Variants in DYNC2H1 observed in about 807,000 individuals in gnomAD.
DYNC2H1 encodes the protein dynein cytoplasmic 2 heavy chain 1, also known as cytoplasmic dynein 2 heavy chain 1.
A neutral mutation model predicts 570.0 loss-of-function variants in DYNC2H1; 410 were observed. The ratio of observed to expected loss-of-function variants is 0.72; its 90% CI spans 0.66 to 0.78. The LOEUF (loss-of-function observed/expected upper bound fraction) is 0.78, where lower values mean the gene tolerates loss of function less well. Among genes scored for constraint, DYNC2H1 ranks in the 30% least tolerant of loss-of-function variants. The probability of loss-of-function intolerance (pLI) is 0.00; values close to 1 mark genes in which losing one functional copy is unlikely to be tolerated. For synonymous variants in DYNC2H1, 1,688 were observed against 1,677.6 expected (o/e 1.01, Z -0.15); for missense variants, 4,865 against 5,046.4 (o/e 0.96, Z 1.09).
chr11:103,299,638 G>A lies in DYNC2H1; in HGVS notation c.11096-3455G>A, dbSNP rs559122529. ...CATATCACTCCTGTTTCTCTTTTCT[G>A]CTACACTTCTTTGACTCTAACAAGA... On this transcript the variant is annotated intron_variant, in intron 75 of 88. Transcript: ENST00000375735. The surrounding 1 kb of genome is among the most constrained non-coding windows in gnomAD (Gnocchi z 4.5). Among the ~76,000 whole-genome samples the A allele has an allele frequency of 6.6e-6, 1 of 152,026 alleles. No individual in the cohort carries two copies. The highest frequency in any genetic ancestry group is 2.4e-5 in the African/African-American group (1 of 41,408).
intron 68 of DYNC2H1, among the ~76,000 whole-genome samples, chr11:103,257,139 A>G (rs891289363): frequency 2.6e-5 from 4 of 152,108 alleles, no homozygotes; most frequent in Non-Finnish European, 5.9e-5. Context: ...AGCTCTCATG[A>G]GTGGGATTAG....
chr11:103,355,440 A>G (rs1235675314), intron 82 of DYNC2H1, among the ~76,000 whole-genome samples: 1 of 152,188 alleles, frequency 6.6e-6, no homozygotes, highest in Non-Finnish European at 1.5e-5. Flanking sequence ...AACTAAGGAA[A>G]CAGTTTATGC....
intron 70 of DYNC2H1, among the ~76,000 whole-genome samples, chr11:103,272,858 A>G (rs1374090821): frequency 4.7e-5 from 6 of 126,374 alleles, no homozygotes; most frequent in African/African-American, 1.5e-4. Flanking sequence ...ATTTTTCTTC[A>G]TTAGGTAGTT....
intron 73 of DYNC2H1, among the ~76,000 whole-genome samples, chr11:103,284,279 A>C (rs1293985006): frequency 6.6e-6 from 1 of 152,154 alleles, no homozygotes; most frequent in Non-Finnish European, 1.5e-5. Flanking sequence ...GCTATATTCA[A>C]AATTGAGCCC....
chr11:103,314,317 T>G (rs917055443), intron 79 of DYNC2H1, among the ~76,000 whole-genome samples: 2 of 152,144 alleles, frequency 1.3e-5, no homozygotes, highest in East Asian at 3.9e-4. Flanking sequence ...CACAGCTCTG[T>G]ACCTTGCTTT....
chr11:103,353,373 T>C (rs1940147867), intron 82 of DYNC2H1, among the ~76,000 whole-genome samples: 1 of 152,172 alleles, frequency 6.6e-6, no homozygotes, highest in South Asian at 2.1e-4. Flanking sequence ...TGCTTGTTGA[T>C]TGTGTTCAAA....
chr11:103,248,010 A>AT (rs1233849554), intron 65 of DYNC2H1, among the ~76,000 whole-genome samples: 1 of 152,038 alleles, frequency 6.6e-6, no homozygotes, highest in East Asian at 1.9e-4. Flanking sequence ...TTTGTTGACA[A>AT]GATATAGGGG....
chr11:103,154,650 T>C, intron 23 of DYNC2H1, 44 bp downstream of exon 23: 1 of 1,570,768 alleles, frequency 6.4e-7, no homozygotes, highest in Non-Finnish European at 8.6e-7. Context: ...TTGGTTGTTT[T>C]ATTTTTGGAT....
intron 87 of DYNC2H1, among the ~76,000 whole-genome samples, chr11:103,467,807 G>A (rs1296779441): frequency 1.3e-5 from 2 of 152,132 alleles, no homozygotes; most frequent in African/African-American, 4.8e-5. Flanking sequence ...AAAGTGCTGG[G>A]ATTACAGGTG....
Position 103,236,410 on chromosome 11 carries a change from C to T in DYNC2H1, c.9710-20C>T, listed in dbSNP as rs1766526391. The T allele has an allele frequency of 7.6e-7, 1 of 1,320,720 alleles. No homozygotes were observed. Among genetic ancestry groups the T allele is most frequent in the South Asian group, 1.2e-5 (1 of 84,834 alleles). 81.8% of individuals were successfully genotyped at this position (1,320,720 alleles called of 1,614,324 possible). On this transcript the variant is annotated intron_variant, in intron 62 of 88. Transcript: ENST00000375735. ...GTACAAGATCGTTGTGAAGTATTAT[C>T]AATATCTTCAACTTTTCAGAATTTG...
At chr11:103,371,239 A>C (rs1048004496) in intron 83 of DYNC2H1, among the ~76,000 whole-genome samples, 1 of 152,110 alleles carries the variant, frequency 6.6e-6, no homozygotes. Flanking sequence ...AAGACAGACT[A>C]TTTGAAAATA....
At position 103,109,504 on chromosome 11, in the gene DYNC2H1, C is replaced by G; in HGVS notation, c.-71C>G. On this transcript the variant is annotated 5_prime_UTR_variant, in exon 1 of 89. Coordinates refer to ENST00000375735, the MANE Select transcript of DYNC2H1 (RefSeq NM_001377.3). ...GGGTTTGAGCAAAGCTCCTCTCTTCCCTTCACTTCCCTCCGGACTGGTTTC... is the reference window on the plus strand; with the variant it reads ...GGGTTTGAGCAAAGCTCCTCTCTTCGCTTCACTTCCCTCCGGACTGGTTTC... The G allele has an allele frequency of 2.1e-6, 3 of 1,435,588 alleles. No individual in the cohort carries two copies. The highest frequency in any genetic ancestry group is 1.9e-6 in the Non-Finnish European group (2 of 1,047,884). 88.9% of individuals were successfully genotyped at this position (1,435,588 alleles called of 1,614,324 possible).
chr11:103,246,764 G>A (rs559590354), intron 65 of DYNC2H1, among the ~76,000 whole-genome samples: 1 of 152,098 alleles, frequency 6.6e-6, no homozygotes, highest in African/African-American at 2.4e-5. Context: ...TGGGGACAGA[G>A]GATGGTAGTC....
In DYNC2H1 at chr11:103,133,822, T is replaced by C. The variant is rs1279229638; in HGVS notation, c.2106+115T>C. 8.9e-7 allele frequency: 1 copy of C among 1,127,504 alleles called. No individual in the cohort carries two copies. Among genetic ancestry groups the C allele is most frequent in the Non-Finnish European group, 1.2e-6 (1 of 820,864 alleles). 69.8% of individuals were successfully genotyped at this position (1,127,504 alleles called of 1,614,324 possible). A position where few individuals can be genotyped will look rare whatever the true frequency, so the allele number is the denominator to read the frequency against. ...AATTTGAGACTTAAAGTTACAAAAA[T>C]AGTACAGAGAAATCACAATTCCCAT... On this transcript the variant is annotated intron_variant, in intron 14 of 88. Transcript: ENST00000375735. This position sits in a 1 kb window ranked among gnomAD's most constrained non-coding sequence, Gnocchi z 4.8.
At chr11:103,459,200 T>C (rs1371435226) in intron 87 of DYNC2H1, among the ~76,000 whole-genome samples, 2 of 145,464 alleles carry the variant, frequency 1.4e-5, no homozygotes, top group African/African-American at 2.5e-5. Flanking sequence ...TCCCAGCTAC[T>C]TGGGAGGCTG....
intron 70 of DYNC2H1, among the ~76,000 whole-genome samples, chr11:103,263,503 CAAAT>C (rs578029233): frequency 2.9e-4 from 44 of 152,064 alleles, no homozygotes; most frequent in Non-Finnish European, 5.3e-4. Flanking sequence ...GAAATCATAA[CAAAT>C]AGTCTCTCAC....
At chr11:103,477,174 G>A (rs1046474538) in intron 88 of DYNC2H1, among the ~76,000 whole-genome samples, 1 of 152,162 alleles carries the variant, frequency 6.6e-6, no homozygotes, top group African/African-American at 2.4e-5. Flanking sequence ...TTCCATAAAT[G>A]TTATTGTGTT....
Position 103,177,613 on chromosome 11 carries a change from G to A in DYNC2H1, c.5932G>A (p.Val1978Ile), listed in dbSNP as rs1233465326. The A allele has an allele frequency of 6.2e-7, 1 of 1,613,270 alleles. No homozygotes were observed. Among genetic ancestry groups the A allele is most frequent in the Admixed American group, 1.7e-5 (1 of 59,908 alleles). The change falls in exon 38 of 89, where the codon GTT becomes ATT. Residue 1978 changes from valine to isoleucine, a missense_variant. Val to Ile is a conservative substitution (Grantham distance 29). Around this residue, in one of 5 missense-constraint regions of DYNC2H1, gnomAD observed 231 missense variants for 310.3 expected, o/e 0.74. Coordinates refer to ENST00000375735, the MANE Select transcript of DYNC2H1 (RefSeq NM_001377.3). This position sits in a 1 kb window ranked among gnomAD's most constrained non-coding sequence, Gnocchi z 4.4. Reference sequence around the variant, plus strand: ...ATGCCAGAGGATGGGAGTTGTTATTGTTGGTCCAAGTGGTGCTGGAAAATC... The same window carrying A: ...ATGCCAGAGGATGGGAGTTGTTATTATTGGTCCAAGTGGTGCTGGAAAATC... ...QLCQRMGVVI[V>I]GPSGAGKSTL... is the part of the protein sequence containing the mutation.
chr11:103,281,837 A>G (rs1866147822), intron 71 of DYNC2H1, among the ~76,000 whole-genome samples: 2 of 151,984 alleles, frequency 1.3e-5, no homozygotes. Context: ...GGTGCACCTT[A>G]CTTCTACTTA....
Sources: gnomAD v4.1 joint callset for allele counts (sites outside exome capture counted in the v4.1 genomes callset) on GRCh38, gnomAD v4.1.1 for gene constraint, gnomAD v4.1.1 regional missense constraint, Gnocchi (gnomAD v3.1) non-coding constraint, MANE v1.5 for transcripts, NCBI Gene and HGNC (gene_info 2026-07-23, HGNC 2026-07-21) for gene names.